AGO2: variants seen among roughly 807,000 people sequenced by gnomAD.
AGO2 encodes protein argonaute-2.
In AGO2, 5 loss-of-function variants were observed where a neutral mutation model predicts 102.3. The ratio of observed to expected loss-of-function variants is 0.05; its 90% confidence interval spans 0.03 to 0.10. The LOEUF is 0.10. Ranked by LOEUF, AGO2 falls within the 10% of genes least tolerant of loss-of-function variation. AGO2 has a pLI of 1.00. For missense variants in AGO2, 541 were observed against 1,183.7 expected (o/e 0.46, Z 7.97); for synonymous variants, 449 against 473.1 (o/e 0.95, Z 0.66).
intron 13 of AGO2, among the ~76,000 whole-genome samples, 195 bp from the exon 14 acceptor site, chr8:140,544,498 G>A (rs2072859753): frequency 6.6e-6 from 1 of 152,204 alleles, no homozygotes; most frequent in South Asian, 2.1e-4. Context: ...CTTCAGAATA[G>A]CCACGGGTTG....
In AGO2 at chr8:140,535,585, C is replaced by G; in HGVS notation, c.2170-16G>C. 1 of 1,613,682 alleles carries G rather than the reference C, an allele frequency of 6.2e-7. No individual in the cohort carries two copies. The highest frequency in any genetic ancestry group is 8.5e-7 in the Non-Finnish European group (1 of 1,179,544). Reference sequence around the variant, plus strand: ...TTTTCCCAACCTTCGGCAACACAGGCATCTCGTTAGACACGGCCAGGGACC... The same window carrying G: ...TTTTCCCAACCTTCGGCAACACAGGGATCTCGTTAGACACGGCCAGGGACC... On this transcript the variant is annotated splice_polypyrimidine_tract_variant and intron_variant, in intron 16 of 18. Coordinates refer to ENST00000220592, the MANE Select transcript of AGO2 (RefSeq NM_012154.5).
chr8:140,556,330 G>C (rs2073093883), intron 8 of AGO2, 44 bp from the exon 9 acceptor site: 5 of 1,605,782 alleles, frequency 3.1e-6, no homozygotes, highest in Non-Finnish European at 4.3e-6. Flanking sequence ...CCGCACTGGA[G>C]TGACCAGGGG....
chr8:140,539,268 T>A lies in AGO2; in HGVS notation c.2169+52A>T. 2.6e-6 allele frequency: 4 copies of A among 1,553,042 alleles called. No individual in the cohort carries two copies. The highest frequency in any genetic ancestry group is 3.5e-6 in the Non-Finnish European group (4 of 1,147,616). On this transcript the variant is annotated intron_variant, in intron 16 of 18. Coordinates refer to ENST00000220592, the MANE Select transcript of AGO2 (RefSeq NM_012154.5). This position sits in a 1 kb window ranked among gnomAD's most constrained non-coding sequence, Gnocchi z 4.7. ...TTCTCTTGTGAGTGTGCTCGGGGTG[T>A]GGGGCTGAGGGGAGAACCGTGCCCC...
chr8:140,636,554 G>T (rs531481567), upstream of AGO2: 2 of 152,366 alleles, frequency 1.3e-5, no homozygotes, highest in African/African-American at 4.8e-5. Context: ...CCTTCACCCC[G>T]TGGCATCGGC....
chr8:140,635,591 C>T lies in AGO2; in HGVS notation c.-85G>A. 1 of 922,024 alleles carries T rather than the reference C, an allele frequency of 1.1e-6. No individual in the cohort carries two copies. Among genetic ancestry groups the T allele is most frequent in the Non-Finnish European group, 1.3e-6 (1 of 775,250 alleles). 57.1% of individuals were successfully genotyped at this position (922,024 alleles called of 1,614,324 possible). A position where few individuals can be genotyped will look rare whatever the true frequency, so the allele number is the denominator to read the frequency against. ...GACGCCGCGAGCCGCGAGGGAGCCG[C>T]CGGCCGCACGATCCGCCCCGGCGCG... On this transcript the variant is annotated 5_prime_UTR_variant, in exon 1 of 19. Transcript: ENST00000220592.
intron 2 of AGO2, among the ~76,000 whole-genome samples, chr8:140,573,296 A>C (rs954392064): frequency 6.6e-6 from 1 of 151,600 alleles, no homozygotes; most frequent in African/African-American, 2.4e-5. Flanking sequence ...CAGCCTCCCA[A>C]GTAGCTAGGA....
chr8:140,630,663 C>G (rs1024570314), intron 1 of AGO2, among the ~76,000 whole-genome samples: 4 of 152,178 alleles, frequency 2.6e-5, no homozygotes, highest in South Asian at 2.1e-4. Context: ...CATTCCCAAC[C>G]CAACACTGGG....
intron 17 of AGO2, among the ~76,000 whole-genome samples, chr8:140,533,233 C>CA (rs1347918546): frequency 3.3e-5 from 5 of 149,884 alleles, no homozygotes; most frequent in African/African-American, 9.8e-5. Context: ...ACTAAAAATA[C>CA]AAAAAATTAG....
In AGO2 at chr8:140,585,818, T is replaced by TA. The variant is rs2073646725; in HGVS notation, c.23-508dup. On this transcript the variant is annotated intron_variant, in intron 1 of 18. Coordinates refer to ENST00000220592, the MANE Select transcript of AGO2 (RefSeq NM_012154.5). ...TTCAATTTTCACTCAAATGTCTGTT[T>TA]AAAAAAAAGACAACCCTTCTCCATT... Among the ~76,000 whole-genome samples, 19 of 152,214 alleles carry TA rather than the reference T, an allele frequency of 1.2e-4. No homozygotes were observed. In the South Asian group the frequency reaches 3.9e-3, roughly 32 times the overall value.
chr8:140,638,052 C>T (rs2074421649), upstream of AGO2: 1 of 152,276 alleles, frequency 6.6e-6, no homozygotes, highest in African/African-American at 2.4e-5. Flanking sequence ...TTTGATAAGA[C>T]CGTGGGCTCT....
At chr8:140,554,889 T>C (rs2073068678) in intron 10 of AGO2, among the ~76,000 whole-genome samples, 1 of 152,012 alleles carries the variant, frequency 6.6e-6, no homozygotes, top group Non-Finnish European at 1.5e-5. Context: ...ACAGGGTTTC[T>C]GGTCTCAAAC....
chr8:140,587,442 C>T (rs578134523), intron 1 of AGO2, among the ~76,000 whole-genome samples: 1 of 152,378 alleles, frequency 6.6e-6, no homozygotes, highest in South Asian at 2.1e-4. Flanking sequence ...GGCAACTCCA[C>T]TGCCAAGGAC....
intron 1 of AGO2, among the ~76,000 whole-genome samples, chr8:140,619,679 G>C (rs1391494489): frequency 6.6e-6 from 1 of 152,234 alleles, no homozygotes; most frequent in Non-Finnish European, 1.5e-5. Context: ...GCTGCGGTCA[G>C]AAAGTCTGTG....
chr8:140,596,559 G>A (rs916484637), intron 1 of AGO2, among the ~76,000 whole-genome samples: 8 of 152,142 alleles, frequency 5.3e-5, no homozygotes, highest in Non-Finnish European at 8.8e-5. Flanking sequence ...CTCCAGCCTG[G>A]GCAACAAGAG....
At chr8:140,614,170 C>T (rs553334937) in intron 1 of AGO2, among the ~76,000 whole-genome samples, 24 of 151,984 alleles carry the variant, frequency 1.6e-4, no homozygotes, top group African/African-American at 5.3e-4. Context: ...ACTAAAAATA[C>T]AAAATTAACT....
Position 140,614,705 on chromosome 8 carries a change from G to T in AGO2, c.22+20780C>A, listed in dbSNP as rs138680423. Reference sequence around the variant, plus strand: ...GAGGCACCACCAGGTCTGAATCCAGGATCCAGTACTTACTGCTGCGTGACC... The same window carrying T: ...GAGGCACCACCAGGTCTGAATCCAGTATCCAGTACTTACTGCTGCGTGACC... On this transcript the variant is annotated intron_variant, in intron 1 of 18. Coordinates refer to ENST00000220592, the MANE Select transcript of AGO2 (RefSeq NM_012154.5). Among the ~76,000 whole-genome samples the T allele has an allele frequency of 9.7e-4, 147 of 152,274 alleles. 1 individual carries two copies. Among genetic ancestry groups the T allele is most frequent in the African/African-American group, 3.3e-3 (139 of 41,552 alleles).
In AGO2 at chr8:140,589,942, C is replaced by T. The variant is rs2073722676; in HGVS notation, c.23-4631G>A. 6.6e-6 allele frequency among the ~76,000 whole-genome samples: 1 copy of T among 152,242 alleles called. No individual in the cohort carries two copies. The highest frequency in any genetic ancestry group is 2.4e-5 in the African/African-American group (1 of 41,462). ...CTACACAAGCAAGCCTCCCTTATGG[C>T]CACCCAAGTTGACGCTAAACACAGT... On this transcript the variant is annotated intron_variant, in intron 1 of 18. Coordinates refer to ENST00000220592, the MANE Select transcript of AGO2 (RefSeq NM_012154.5). The surrounding 1 kb of genome is among the most constrained non-coding windows in gnomAD (Gnocchi z 4.2).
chr8:140,618,459 A>G (rs1243521877), intron 1 of AGO2, among the ~76,000 whole-genome samples: 1 of 152,254 alleles, frequency 6.6e-6, no homozygotes, highest in Non-Finnish European at 1.5e-5. Context: ...ACTGCACTCC[A>G]GCCTGGGTGA....
rs549143306 is a variant in AGO2 at position 140,540,521 on chromosome 8, C to T, written c.2034+643G>A. ...CGCCCGGGTTCCAGGCCAAGATGGA[C>T]TCATTCCTGCCCACAGGTCACCTTG... On this transcript the variant is annotated intron_variant, in intron 15 of 18. Coordinates refer to ENST00000220592, the MANE Select transcript of AGO2 (RefSeq NM_012154.5). The surrounding 1 kb of genome is among the most constrained non-coding windows in gnomAD (Gnocchi z 5.0). 6.6e-6 allele frequency among the ~76,000 whole-genome samples: 1 copy of T among 152,332 alleles called. No individual in the cohort carries two copies. The highest frequency in any genetic ancestry group is 1.9e-4 in the East Asian group (1 of 5,176).
Sources: gnomAD v4.1 joint callset for allele counts (sites outside exome capture counted in the v4.1 genomes callset) on GRCh38, gnomAD v4.1.1 for gene constraint, Gnocchi (gnomAD v3.1) non-coding constraint, MANE v1.5 for transcripts, NCBI Gene and HGNC (gene_info 2026-07-23, HGNC 2026-07-21) for gene names.